The following C2CD2 variants were observed in gnomAD, a reference collection of about 807,000 sequenced individuals.
C2CD2 encodes C2 domain-containing protein 2.
Under a neutral mutation model 74.3 loss-of-function variants are expected in C2CD2, and 43 were observed. The ratio of observed to expected loss-of-function variants is 0.58; its 90% CI spans 0.45 to 0.75. The LOEUF (loss-of-function observed/expected upper bound fraction) is 0.75, where lower values mean the gene tolerates loss of function less well. C2CD2 is among the 30% of genes least tolerant of loss of function. C2CD2 has a pLI of 0.00. For synonymous variants in C2CD2, 422 were observed against 390.7 expected (o/e 1.08, Z -0.94); for missense variants, 801 against 916.3 (o/e 0.87, Z 1.63).
chr21:41,901,001 A>G (rs1401650625), intron 12 of C2CD2: 1 of 152,638 alleles, frequency 6.6e-6, no homozygotes, highest in African/African-American at 2.4e-5. Flanking sequence ...ATAGATAGAT[A>G]AAAATTTTAA....
At chr21:41,916,394 G>A (rs917360331) in intron 5 of C2CD2, among the ~76,000 whole-genome samples, 4 of 150,782 alleles carry the variant, frequency 2.7e-5, no homozygotes, top group Non-Finnish European at 4.4e-5. Context: ...CGTTGGAGGC[G>A]CAATGGAACA....
At chr21:41,931,407 C>T (rs914817266) in intron 2 of C2CD2, among the ~76,000 whole-genome samples, 1 of 144,150 alleles carries the variant, frequency 6.9e-6, no homozygotes, top group African/African-American at 2.5e-5. Context: ...GAGATAAGAG[C>T]GTCTTTTGAG....
rs113742480 is a variant in C2CD2 at position 41,945,502 on chromosome 21, G to GAA, written c.280-3259_280-3258dup. 3.6e-3 allele frequency among the ~76,000 whole-genome samples: 482 copies of GAA among 135,544 alleles called. 4 individuals are homozygous for GAA. The highest frequency in any genetic ancestry group is 0.012 in the African/African-American group (462 of 37,070). 88.9% of individuals were successfully genotyped at this position (135,544 alleles called of 152,430 possible). ...TTGTGGAAACATGAAGTAAGGAAAT[G>GAA]AAAAAAAAAAAAAGTGGGCTTGATG... On this transcript the variant is annotated intron_variant, in intron 1 of 13. Transcript: ENST00000380486. This position sits in a 1 kb window ranked among gnomAD's most constrained non-coding sequence, Gnocchi z 4.2.
intron 13 of C2CD2, among the ~76,000 whole-genome samples, chr21:41,893,082 A>G (rs572105349): frequency 2.1e-4 from 32 of 152,342 alleles, no homozygotes; most frequent in African/African-American, 7.5e-4. Flanking sequence ...TGAGGTTTGG[A>G]GAATCCCTTG....
At chr21:41,907,619 C>T (rs768269615) in intron 9 of C2CD2, 41 bp downstream of exon 9, 14 of 1,596,310 alleles carry the variant, frequency 8.8e-6, no homozygotes, top group Non-Finnish European at 1.1e-5. Context: ...GGGTAAGTGC[C>T]CCAAGCCGGA....
intron 9 of C2CD2, 111 bp from the exon 10 acceptor site, chr21:41,907,277 T>A: frequency 1.2e-6 from 1 of 862,964 alleles, no homozygotes; most frequent in Non-Finnish European, 1.9e-6. Flanking sequence ...TTCCTTCCCT[T>A]AAGGTCACTT....
At position 41,888,464 on chromosome 21, in the gene C2CD2, T is replaced by A. The variant is rs1364754905; in HGVS notation, c.*660A>T. The A allele has an allele frequency of 6.6e-6, 1 of 152,634 alleles. No individual in the cohort carries two copies. Among genetic ancestry groups the A allele is most frequent in the Non-Finnish European group, 1.5e-5 (1 of 68,092 alleles). 9.5% of individuals were successfully genotyped at this position (152,634 alleles called of 1,614,324 possible). A position where few individuals can be genotyped will look rare whatever the true frequency, so the allele number is the denominator to read the frequency against. On this transcript the variant is annotated 3_prime_UTR_variant, in exon 14 of 14. Transcript: ENST00000380486. ...TAGGCTCAAAGTAAACTTAGAAAAG[T>A]GTTCTGCATACTATGCATAGGATAT...
intron 13 of C2CD2, among the ~76,000 whole-genome samples, chr21:41,896,707 CAAAAAAAAAAA>C (rs71332341): frequency 1.4e-5 from 1 of 73,704 alleles, no homozygotes; most frequent in South Asian, 5.9e-4. Flanking sequence ...GTTCTTAAAC[CAAAAAAAAAAA>C]AAAAAAAAAA....
intron 3 of C2CD2, among the ~76,000 whole-genome samples, chr21:41,920,871 C>T (rs2065147667): frequency 6.6e-6 from 1 of 152,220 alleles, no homozygotes. Context: ...TCATTCAGTT[C>T]CAAAACATGC....
rs867921604 is a variant in C2CD2, at chr21:41,892,962, G to A, written c.1871-3618C>T. On this transcript the variant is annotated intron_variant, in intron 13 of 13. Transcript: ENST00000380486. The surrounding 1 kb of genome is among the most constrained non-coding windows in gnomAD (Gnocchi z 4.6). ...ACGCGCGGTGCGCCCAGGTTAAGAG[G>A]GAAATGGGTGTGGAGACAGGCAAGG... Among the ~76,000 whole-genome samples the A allele has an allele frequency of 1.3e-5, 2 of 152,214 alleles. No homozygotes were observed. The highest frequency in any genetic ancestry group is 6.5e-5 in the Admixed American group (1 of 15,284).
chr21:41,919,437 C>T (rs2065131718), intron 3 of C2CD2, among the ~76,000 whole-genome samples: 1 of 152,222 alleles, frequency 6.6e-6, no homozygotes, highest in African/African-American at 2.4e-5. Context: ...TCTCTGGCCT[C>T]AACCTACCCC....
At chr21:41,906,501 G>C (rs573195436) in intron 10 of C2CD2, among the ~76,000 whole-genome samples, 1 of 152,290 alleles carries the variant, frequency 6.6e-6, no homozygotes, top group African/African-American at 2.4e-5. Flanking sequence ...GAGTGGCTAG[G>C]ACTCCACGCA....
chr21:41,934,831 G>A lies in C2CD2; in HGVS notation c.378+7316C>T, dbSNP rs534915074. 9.9e-5 allele frequency among the ~76,000 whole-genome samples: 15 copies of A among 152,020 alleles called. No individual in the cohort carries two copies. The South Asian group carries it at 1.9e-3, about 19-fold the overall frequency. On this transcript the variant is annotated intron_variant, in intron 2 of 13. Coordinates refer to ENST00000380486, the MANE Select transcript of C2CD2 (RefSeq NM_015500.2). Reference sequence around the variant, plus strand: ...ACCATGCTCCTAACCAGGACAACACGGCTGCTGCTTCACAGCCTTGCCTCG... The same window carrying A: ...ACCATGCTCCTAACCAGGACAACACAGCTGCTGCTTCACAGCCTTGCCTCG...
intron 5 of C2CD2, among the ~76,000 whole-genome samples, chr21:41,916,705 ACT>A (rs1234482996): frequency 6.5e-5 from 9 of 139,102 alleles, no homozygotes; most frequent in African/African-American, 1.4e-4. Flanking sequence ...ACACACACAC[ACT>A]CCCATTGGTT....
At position 41,953,558 on chromosome 21, in the gene C2CD2, G is replaced by T; in HGVS notation, c.91C>A (p.Leu31Met). 1 of 1,497,386 alleles carries T rather than the reference G, an allele frequency of 6.7e-7. No homozygotes were observed. The highest frequency in any genetic ancestry group is 2.9e-5 in the East Asian group (1 of 34,948). 92.8% of individuals were successfully genotyped at this position (1,497,386 alleles called of 1,614,324 possible). A position where few individuals can be genotyped will look rare whatever the true frequency, so the allele number is the denominator to read the frequency against. The change falls in exon 1 of 14, where the codon CTG becomes ATG. Residue 31 changes from leucine (L) to methionine (M), a missense_variant. Physicochemically the swap from Leu to Met is conservative, Grantham distance 15 (BLOSUM62 2). Coordinates refer to ENST00000380486, the MANE Select transcript of C2CD2 (RefSeq NM_015500.2). ...LFVAALATVGLYLAQWALARA... is the reference protein window; with the variant it reads ...LFVAALATVGMYLAQWALARA... Reference sequence around the variant, plus strand: ...GCCAGCGCCCACTGCGCCAGGTACAGGCCTACCGTGGCCAGGGCCGCGACG... The same window carrying T: ...GCCAGCGCCCACTGCGCCAGGTACATGCCTACCGTGGCCAGGGCCGCGACG...
intron 1 of C2CD2, chr21:41,953,056 T>C: frequency 3.0e-6 from 1 of 332,304 alleles, no homozygotes; most frequent in Non-Finnish European, 5.5e-6. Flanking sequence ...GCCCCGGGAC[T>C]CCAGGCAAGG....
At position 41,953,641 on chromosome 21, in the gene C2CD2, A is replaced by G; in HGVS notation, c.8T>C (p.Met3Thr). Residue 3 changes from methionine (M) to threonine (T), a missense_variant, in exon 1 of 14, where the codon ATG (methionine) becomes ACG (threonine). Coordinates refer to ENST00000380486, the MANE Select transcript of C2CD2 (RefSeq NM_015500.2). MAMARLGSWLGEA... is the reference protein window; with the variant it reads MATARLGSWLGEA... ...CCCGAGCCACGAGCCCAGCCGGGCC[A>G]TGGCCATGGCGCATCCCCGGCCCGC... 3 of 1,466,766 alleles carry G rather than the reference A, an allele frequency of 2.0e-6. No individual in the cohort carries two copies. The highest frequency in any genetic ancestry group is 2.7e-6 in the Non-Finnish European group (3 of 1,117,608). 90.9% of individuals were successfully genotyped at this position (1,466,766 alleles called of 1,614,324 possible). A position where few individuals can be genotyped will look rare whatever the true frequency, so the allele number is the denominator to read the frequency against.
At chr21:41,943,144 TA>T (rs1315698475) in intron 1 of C2CD2, among the ~76,000 whole-genome samples, 1 of 151,954 alleles carries the variant, frequency 6.6e-6, no homozygotes, top group African/African-American at 2.4e-5. Flanking sequence ...CTACCAAAAA[TA>T]CAAATATTAG....
intron 13 of C2CD2, 66 bp downstream of exon 13, chr21:41,898,987 G>T: frequency 3.2e-6 from 4 of 1,242,798 alleles, no homozygotes; most frequent in Non-Finnish European, 4.7e-6. Context: ...ACTTCAGCTT[G>T]GAAGCCAGCA....
Sources: allele counts gnomAD v4.1 joint callset (sites outside exome capture counted in the v4.1 genomes callset), GRCh38; gene constraint gnomAD v4.1.1; non-coding constraint Gnocchi (gnomAD v3.1); transcripts MANE v1.5; gene names NCBI Gene and HGNC (gene_info 2026-07-23, HGNC 2026-07-21).